The following ATM variants were observed in gnomAD, a reference collection of about 807,000 sequenced individuals.
ATM encodes the protein ATM serine/threonine kinase, also known as serine-protein kinase ATM.
A neutral mutation model predicts 387.0 loss-of-function variants in ATM; 308 were observed. The observed-to-expected ratio is 0.80, with a 90% CI of 0.73 to 0.87. The LOEUF is 0.87. Ranked by LOEUF, ATM falls within the 40% of genes least tolerant of loss-of-function variation. The pLI, the probability that ATM is intolerant of heterozygous loss-of-function variation, is 0.00. For missense variants in ATM, 3,312 were observed against 3,560.9 expected, an observed-to-expected ratio of 0.93 and a Z score of 1.78; for synonymous variants, 1,156 against 1,187.3, an observed-to-expected ratio of 0.97 and a Z score of 0.54.
chr11:108,361,924 C>T (rs1484588034), intron 61 of ATM, among the ~76,000 whole-genome samples: 13 of 145,924 alleles, frequency 8.9e-5, no homozygotes, highest in African/African-American at 3.3e-4. Context: ...AAAGCAATGG[C>T]AACAAAAGCC....
rs777239020 is a variant in ATM at position 108,294,990 on chromosome 11, C to T, written c.4840C>T (p.Leu1614=). 11 of 1,613,814 alleles carry T rather than the reference C, an allele frequency of 6.8e-6. No homozygotes were observed. ...ACTTCCATTGACAAGACTTGAAGGACTAAAGGATCTTCGAAGACAACTGGA... is the reference window on the plus strand; with the variant it reads ...ACTTCCATTGACAAGACTTGAAGGATTAAAGGATCTTCGAAGACAACTGGA... ...DALPLTRLEG[L]KDLRRQLELH... The change falls in exon 32 of 63, where the codon CTA becomes TTA. Residue 1614 remains leucine, a synonymous_variant. Transcript: ENST00000675843.
In ATM at chr11:108,227,576, ATATG is replaced by A; in HGVS notation, c.-30-15_-30-12del. 1 of 1,439,408 alleles carries A rather than the reference ATATG, an allele frequency of 6.9e-7. No individual in the cohort carries two copies. The highest frequency in any genetic ancestry group is 9.8e-7 in the Non-Finnish European group (1 of 1,021,648). 89.2% of individuals were successfully genotyped at this position (1,439,408 alleles called of 1,614,324 possible). A position where few individuals can be genotyped will look rare whatever the true frequency, so the allele number is the denominator to read the frequency against. ...TATATACATATACATATATATACCT[ATATG>A]TATTTTTTTTACAGACAGTGATGTG... On this transcript the variant is annotated splice_polypyrimidine_tract_variant and intron_variant, in intron 1 of 62. Transcript: ENST00000675843.
rs2079715708 is a variant in ATM, at chr11:108,244,176, C to T, written c.662+58C>T. 3 of 1,585,950 alleles carry T rather than the reference C, an allele frequency of 1.9e-6. No individual in the cohort carries two copies. In the East Asian group the frequency reaches 6.7e-5, roughly 36 times the overall value. On this transcript the variant is annotated intron_variant, in intron 6 of 62. Transcript: ENST00000675843. ...TGAAATACTTTTGATCTTGCAAGAC[C>T]ATGTTTTAGACTCAGTAACTAAAAA...
intron 55 of ATM, 69 bp from the exon 56 acceptor site, chr11:108,335,776 C>T (rs2086769678): frequency 7.7e-7 from 1 of 1,297,478 alleles, no homozygotes; most frequent in Non-Finnish European, 1.1e-6. Flanking sequence ...CTTTGCTATT[C>T]TCAGATGACT....
In ATM at chr11:108,365,713, T is replaced by C. The variant is rs147355837; in HGVS notation, c.*205T>C. On this transcript the variant is annotated 3_prime_UTR_variant, in exon 63 of 63. Transcript: ENST00000675843. ...AAGGAACATCTCTGCTTTCACTCTT[T>C]AGAAATAATGGTCATTCGGGCTGGG... The C allele has an allele frequency of 6.7e-5, 46 of 687,478 alleles. No individual in the cohort carries two copies. The East Asian group carries it at 1.3e-3, about 19-fold the overall frequency. 42.6% of individuals were successfully genotyped at this position (687,478 alleles called of 1,614,324 possible).
At chr11:108,356,901 C>T (rs1240187751) in intron 61 of ATM, among the ~76,000 whole-genome samples, 1 of 152,220 alleles carries the variant, frequency 6.6e-6, no homozygotes, top group African/African-American at 2.4e-5. Context: ...TCTCCACCTA[C>T]AATAACTGTC....
chr11:108,345,623 G>A (rs2088236552), intron 57 of ATM, 120 bp from the exon 58 acceptor site: 1 of 775,664 alleles, frequency 1.3e-6, no homozygotes, highest in East Asian at 2.8e-5. Context: ...CTTCTTGTAG[G>A]TAATGTATCC....
intron 29 of ATM, 22 bp downstream of exon 29, chr11:108,289,823 A>C: frequency 2.5e-6 from 4 of 1,594,054 alleles, no homozygotes; most frequent in Non-Finnish European, 3.4e-6. Flanking sequence ...ATTTAGACCA[A>C]TATATAAGCA....
At chr11:108,241,398 A>G (rs1371056549) in intron 5 of ATM, among the ~76,000 whole-genome samples, 1 of 152,348 alleles carries the variant, frequency 6.6e-6, no homozygotes, top group Non-Finnish European at 1.5e-5. Context: ...TATCATTATC[A>G]AGGTTTATGT....
At chr11:108,251,179 G>A (rs2135331722) in intron 10 of ATM, 107 bp downstream of exon 10, 1 of 1,503,578 alleles carries the variant, frequency 6.7e-7, no homozygotes. Context: ...AGTTAAAGAT[G>A]TCAAATTCTA....
chr11:108,314,311 G>A (rs1251385477), intron 40 of ATM, among the ~76,000 whole-genome samples: 4 of 152,030 alleles, frequency 2.6e-5, no homozygotes, highest in African/African-American at 9.7e-5. Context: ...TAGCCATGTT[G>A]CCCAGGCCGA....
rs2089550089 is a variant in ATM, at chr11:108,354,013, T to G, written c.8786+133T>G. On this transcript the variant is annotated intron_variant, in intron 60 of 62. Transcript: ENST00000675843. ...GGAGGATTGTTTGAGCCCAGGAGTT[T>G]GAGTCCAGCCTAGGCAATACAGCAA... 1.7e-5 allele frequency: 14 copies of G among 837,364 alleles called. No individual in the cohort carries two copies. In the South Asian group the frequency reaches 1.9e-4, roughly 12 times the overall value. The allele number at this position is 837,364 out of a possible 1,614,324, so 51.9% of individuals were successfully genotyped here.
chr11:108,358,599 G>C (rs1271923660), intron 61 of ATM, among the ~76,000 whole-genome samples: 4 of 124,932 alleles, frequency 3.2e-5, no homozygotes, highest in East Asian at 2.2e-4. Context: ...CAGATCTCTC[G>C]GCAGAAACCC....
chr11:108,239,398 T>G (rs1397748047), intron 5 of ATM, among the ~76,000 whole-genome samples: 1 of 152,232 alleles, frequency 6.6e-6, no homozygotes, highest in Non-Finnish European at 1.5e-5. Context: ...CCTATAAGTA[T>G]TTGTCCTTTT....
In ATM at chr11:108,299,953, A is replaced by G. The variant is rs558610972; in HGVS notation, c.5177+68A>G. On this transcript the variant is annotated intron_variant, in intron 34 of 62. Coordinates refer to ENST00000675843, the MANE Select transcript of ATM (RefSeq NM_000051.4). The stretch of plus-strand genomic sequence containing the variant: ...TTCATGGAGAATGATACTTCACACA[A>G]ATAGATATTCTCAGTAACTAAAGCT... 7.7e-4 allele frequency: 1,104 copies of G among 1,425,802 alleles called. 1 individual carries two copies. Among genetic ancestry groups the G allele is most frequent in the Non-Finnish European group, 1.0e-3 (1,053 of 1,015,316 alleles). The allele number at this position is 1,425,802 out of a possible 1,614,324, so 88.3% of individuals were successfully genotyped here.
Position 108,299,797 on chromosome 11 carries a change from A to C in ATM, c.5089A>C (p.Thr1697Pro), listed in dbSNP as rs142455912. 1.9e-6 allele frequency: 3 copies of C among 1,614,040 alleles called. No individual in the cohort carries two copies. The South Asian group carries it at 3.3e-5, about 18-fold the overall frequency. The change falls in exon 34 of 63, where the codon ACC (threonine) becomes CCC (proline). Residue 1697 changes from threonine (T) to proline (P), a missense_variant. Physicochemically the swap from Thr to Pro is conservative, Grantham distance 38. Around this residue, in one of 4 missense-constraint regions of ATM, gnomAD observed 1,405 missense variants for 1,604.4 expected, o/e 0.88. Transcript: ENST00000675843. ...AIQHSKDASYTKALKLFEDKE... is the reference protein window; with the variant it reads ...AIQHSKDASYPKALKLFEDKE... Reference sequence around the variant, plus strand: ...ACAACATAGTAAAGATGCATCTTATACCAAGGCCCTTAAGTTATTTGAAGA... The same window carrying C: ...ACAACATAGTAAAGATGCATCTTATCCCAAGGCCCTTAAGTTATTTGAAGA...
chr11:108,289,890 A>G (rs1294524680), intron 29 of ATM, 89 bp downstream of exon 29: 41 of 1,310,178 alleles, frequency 3.1e-5, no homozygotes, highest in Non-Finnish European at 3.2e-6. Flanking sequence ...TTTTGAGACA[A>G]AGACTCACTC....
In ATM at chr11:108,333,871, C is replaced by CA; in HGVS notation, c.7928-14dup. ...CCTCAGTTTGTCACTAAAATCTCTTCATTTTTAAATACAGAAGGCATAAAT... is the reference window on the plus strand; with the variant it reads ...CCTCAGTTTGTCACTAAAATCTCTTCAATTTTTAAATACAGAAGGCATAAAT... On this transcript the variant is annotated splice_polypyrimidine_tract_variant and intron_variant, in intron 53 of 62. Transcript: ENST00000675843. 2 of 1,582,318 alleles carry CA rather than the reference C, an allele frequency of 1.3e-6. No individual in the cohort carries two copies. The highest frequency in any genetic ancestry group is 1.7e-6 in the Non-Finnish European group (2 of 1,151,144).
chr11:108,243,475 T>C (rs1490717348), intron 5 of ATM, among the ~76,000 whole-genome samples: 1 of 152,060 alleles, frequency 6.6e-6, no homozygotes, highest in Non-Finnish European at 1.5e-5. Context: ...TAGCCAGGCA[T>C]GGTTTTGTGC....
Sources: allele counts gnomAD v4.1 joint callset (sites outside exome capture counted in the v4.1 genomes callset), GRCh38; gene constraint gnomAD v4.1.1; regional missense constraint gnomAD v4.1.1; transcripts MANE v1.5; gene names NCBI Gene and HGNC (gene_info 2026-07-23, HGNC 2026-07-21).